The following MFSD11 variants were observed in gnomAD, a reference collection of about 807,000 sequenced individuals.
The protein encoded by MFSD11 is major facilitator superfamily domain containing 11, also known as UNC93-like protein MFSD11.
Under a neutral mutation model 53.5 loss-of-function variants are expected in MFSD11, and 36 were observed. That is an observed-to-expected ratio of 0.67 (90% CI 0.52 to 0.89). The LOEUF is 0.89. Ranked by LOEUF, MFSD11 falls within the 40% of genes least tolerant of loss-of-function variation. The pLI, the probability that MFSD11 is intolerant of heterozygous loss-of-function variation, is 0.00. For missense variants in MFSD11, 530 were observed against 543.9 expected (o/e 0.97, Z 0.25); for synonymous variants, 186 against 184.9 (o/e 1.01, Z -0.05).
intron 5 of MFSD11, among the ~76,000 whole-genome samples, chr17:76,742,947 T>G (rs2078230479): frequency 6.6e-6 from 1 of 152,220 alleles, no homozygotes; most frequent in East Asian, 1.9e-4. Flanking sequence ...AATGTTACAT[T>G]TTAAAGAGTT....
rs1195712325 is a variant in MFSD11, at chr17:76,779,237, A to G, written c.*885A>G. 1 of 147,050 alleles carries G rather than the reference A, an allele frequency of 6.8e-6. No individual in the cohort carries two copies. The highest frequency in any genetic ancestry group is 1.5e-5 in the Non-Finnish European group (1 of 66,936). The allele number at this position is 147,050 out of a possible 1,614,324, so 9.1% of individuals were successfully genotyped here. On this transcript the variant is annotated 3_prime_UTR_variant, in exon 13 of 13. Coordinates refer to ENST00000685175, the MANE Select transcript of MFSD11 (RefSeq NM_001242532.5). ...CCATTGCACTCCAGCCTGGATGACA[A>G]GAGTGAAACTCCATCTCAAAAAAAA...
the MFSD11 span, among the ~76,000 whole-genome samples, chr17:76,797,648 A>G: frequency 2.6e-5 from 4 of 152,140 alleles, no homozygotes; most frequent in Middle Eastern, 6.8e-3. Flanking sequence ...TGTGACTAAG[A>G]ATGCCTGACA....
the MFSD11 span, among the ~76,000 whole-genome samples, chr17:76,790,543 C>T: frequency 2.0e-5 from 3 of 147,074 alleles, 1 homozygote; most frequent in African/African-American, 7.6e-5. Flanking sequence ...GTCTTGAACT[C>T]CTGGGCTCAA....
chr17:76,783,444 C>T (rs1452401413), downstream of MFSD11, among the ~76,000 whole-genome samples: 1 of 152,068 alleles, frequency 6.6e-6, no homozygotes, highest in African/African-American at 2.4e-5. Context: ...TTTCCCATAC[C>T]CCAACTTGAA....
chr17:76,739,513 T>TGG, intron 2 of MFSD11, among the ~76,000 whole-genome samples: 1 of 152,246 alleles, frequency 6.6e-6, no homozygotes, highest in South Asian at 2.1e-4. Context: ...ACCTTGTGAT[T>TGG]GGACCTGAGA....
intron 8 of MFSD11, among the ~76,000 whole-genome samples, chr17:76,764,890 G>A (rs986536844): frequency 5.9e-5 from 9 of 152,080 alleles, no homozygotes; most frequent in South Asian, 4.1e-4. Context: ...CACCAATAGC[G>A]TACAAGGGTT....
chr17:76,793,691 T>G, the MFSD11 span, among the ~76,000 whole-genome samples: 3 of 151,664 alleles, frequency 2.0e-5, no homozygotes, highest in Admixed American at 6.5e-5. Flanking sequence ...ATCTTCACAA[T>G]TTATGTTCAG....
chr17:76,758,237 A>G (rs902261409), intron 8 of MFSD11, among the ~76,000 whole-genome samples: 2 of 152,178 alleles, frequency 1.3e-5, no homozygotes, highest in East Asian at 3.8e-4. Context: ...ACTTCACTTT[A>G]TATTAAAACT....
chr17:76,747,106 A>T (rs1409733423), intron 7 of MFSD11, among the ~76,000 whole-genome samples: 2 of 152,116 alleles, frequency 1.3e-5, no homozygotes, highest in Non-Finnish European at 2.9e-5. Flanking sequence ...TTATTTAAGA[A>T]ATACATTTCA....
At chr17:76,744,300 G>C in intron 6 of MFSD11, 22 bp from the exon 7 acceptor site, 3 of 1,598,782 alleles carry the variant, frequency 1.9e-6, no homozygotes, top group Non-Finnish European at 1.7e-6. Flanking sequence ...ATACTATCTT[G>C]TTTCTTCTTT....
chr17:76,797,156 G>A, the MFSD11 span, among the ~76,000 whole-genome samples: 2 of 152,062 alleles, frequency 1.3e-5, no homozygotes, highest in Non-Finnish European at 1.5e-5. Context: ...GCGACAGAGC[G>A]AGACTCTTCC....
At chr17:76,752,430 T>C (rs1197285063) in intron 7 of MFSD11, among the ~76,000 whole-genome samples, 5 of 151,140 alleles carry the variant, frequency 3.3e-5, no homozygotes, top group African/African-American at 1.2e-4. Flanking sequence ...GGAGTCTTGC[T>C]CTGTTGCCCA....
At chr17:76,792,129 T>TC in the MFSD11 span, among the ~76,000 whole-genome samples, 1 of 148,530 alleles carries the variant, frequency 6.7e-6, no homozygotes, top group Admixed American at 6.7e-5. Flanking sequence ...GCACCCTTTT[T>TC]TTTTTTTGAG....
At chr17:76,803,687 C>T in the MFSD11 span, among the ~76,000 whole-genome samples, 1 of 152,186 alleles carries the variant, frequency 6.6e-6, no homozygotes. Context: ...CAACAGTCAG[C>T]ACTCTTGACT....
the MFSD11 span, among the ~76,000 whole-genome samples, chr17:76,787,725 C>T: frequency 2.0e-5 from 3 of 149,636 alleles, no homozygotes; most frequent in African/African-American, 7.4e-5. Context: ...TGAACAGACC[C>T]CTTAATGGGC....
intron 9 of MFSD11, among the ~76,000 whole-genome samples, chr17:76,768,466 A>G (rs1006444717): frequency 6.6e-6 from 1 of 152,184 alleles, no homozygotes; most frequent in Non-Finnish European, 1.5e-5. Flanking sequence ...TATGTGCCTC[A>G]TAGATACAAC....
chr17:76,794,641 CAAAA>C, the MFSD11 span, among the ~76,000 whole-genome samples: 2 of 65,442 alleles, frequency 3.1e-5, 1 homozygote, highest in African/African-American at 1.4e-4. Flanking sequence ...AACTCTGTCT[CAAAA>C]AAAAAAAAAA....
At chr17:76,751,328 T>C (rs1301270545) in intron 7 of MFSD11, among the ~76,000 whole-genome samples, 2 of 151,140 alleles carry the variant, frequency 1.3e-5, no homozygotes, top group Admixed American at 1.3e-4. Context: ...AGGTGGAGAT[T>C]GCAGTGAGCT....
At chr17:76,738,051 GCCCTTTAATC>G, upstream of MFSD11, 1 of 402,386 alleles carries the variant, frequency 2.5e-6, no homozygotes, top group South Asian at 8.7e-5. Context: ...CTGGCACTTG[GCCCTTTAATC>G]CCCTTCGTGG....
Sources: gnomAD v4.1 joint callset for allele counts (sites outside exome capture counted in the v4.1 genomes callset) on GRCh38, gnomAD v4.1.1 for gene constraint, MANE v1.5 for transcripts, NCBI Gene and HGNC (gene_info 2026-07-23, HGNC 2026-07-21) for gene names.